The following PCDHA1 variants were observed in gnomAD, a reference collection of about 807,000 sequenced individuals.
PCDHA1 encodes protocadherin alpha-1.
In PCDHA1, 42 loss-of-function variants were observed where a neutral mutation model predicts 61.3. That is an observed-to-expected ratio of 0.69 (90% CI 0.54 to 0.89). The LOEUF (loss-of-function observed/expected upper bound fraction) is 0.89. Among genes scored for constraint, PCDHA1 ranks in the 40% least tolerant of loss-of-function variants. The probability of loss-of-function intolerance (pLI) is 0.00; values close to 1 mark genes in which losing one functional copy is unlikely to be tolerated. For synonymous variants in PCDHA1, 610 were observed against 553.8 expected, an observed-to-expected ratio of 1.10 and a Z score of -1.43; for missense variants, 1,256 against 1,235.3, an observed-to-expected ratio of 1.02 and a Z score of -0.25.
intron 1 of PCDHA1, chr5:140,849,838 T>A: frequency 6.3e-7 from 1 of 1,598,422 alleles, no homozygotes; most frequent in Non-Finnish European, 8.6e-7. Flanking sequence ...GTGGCCGACG[T>A]GAACGACAAC....
intron 1 of PCDHA1, chr5:140,884,384 G>C: frequency 6.2e-7 from 1 of 1,613,972 alleles, no homozygotes; most frequent in Non-Finnish European, 8.5e-7. Context: ...TGCCATCTGC[G>C]CGGTGTCCAG....
chr5:140,894,956 A>T (rs2064745767), intron 1 of PCDHA1, among the ~76,000 whole-genome samples: 1 of 152,208 alleles, frequency 6.6e-6, no homozygotes, highest in South Asian at 2.1e-4. Context: ...AATGATAAAA[A>T]TATAATTTTT....
chr5:140,855,039 TG>T lies in PCDHA1; in HGVS notation c.2394+66356del, dbSNP rs1451069015. ...AAACTTCTTGTATAAAGGATTTTTC[TG>T]TAATAGTACTTTTCTGTTTTCTTAA... On this transcript the variant is annotated intron_variant, in intron 1 of 3. Transcript: ENST00000504120. Among the ~76,000 whole-genome samples, 12 of 150,016 alleles carry T rather than the reference TG, an allele frequency of 8.0e-5. 1 individual carries two copies. Among genetic ancestry groups the T allele is most frequent in the African/African-American group, 2.9e-4 (12 of 40,938 alleles).
At position 140,870,592 on chromosome 5, in the gene PCDHA1, C is replaced by T. The variant is rs202164332; in HGVS notation, c.2394+81908C>T. The T allele has an allele frequency of 8.8e-4, 1,421 of 1,613,554 alleles. 8 individuals carry two copies. The African/African-American group carries it at 0.017, about 19-fold the overall frequency. On this transcript the variant is annotated intron_variant, in intron 1 of 3. Coordinates refer to ENST00000504120, the MANE Select transcript of PCDHA1 (RefSeq NM_018900.4). ...GGTGTCCTACTCGCTGGTGGAGCGGCGGTTGGGCGACCGCGCGCTGTCGAG... is the reference window on the plus strand; with the variant it reads ...GGTGTCCTACTCGCTGGTGGAGCGGTGGTTGGGCGACCGCGCGCTGTCGAG...
chr5:140,806,116 T>A (rs1554123539), intron 1 of PCDHA1, among the ~76,000 whole-genome samples: 1 of 152,196 alleles, frequency 6.6e-6, no homozygotes, highest in Non-Finnish European at 1.5e-5. Flanking sequence ...GGTTTGATCA[T>A]GACATTCTTC....
chr5:140,912,497 T>A (rs2075943539), intron 1 of PCDHA1, among the ~76,000 whole-genome samples: 1 of 152,174 alleles, frequency 6.6e-6, no homozygotes. Context: ...ATCTAGGAGC[T>A]TTTTGGATGA....
intron 1 of PCDHA1, among the ~76,000 whole-genome samples, chr5:140,900,657 C>T (rs116775770): frequency 0.011 from 1,723 of 152,294 alleles, 23 homozygotes; most frequent in African/African-American, 0.039. Context: ...CTGCAATGAA[C>T]AATGGGAGTG....
chr5:140,841,580 A>T (rs1777346702), intron 1 of PCDHA1: 1 of 1,613,870 alleles, frequency 6.2e-7, no homozygotes, highest in South Asian at 1.1e-5. Context: ...TTTGTTTGTG[A>T]ATTCTCGGAT....
At chr5:140,876,394 C>T in intron 1 of PCDHA1, 1 of 1,613,826 alleles carries the variant, frequency 6.2e-7, no homozygotes, top group Non-Finnish European at 8.5e-7. Flanking sequence ...TTATGGTGAA[C>T]TGGATTTTGA....
intron 1 of PCDHA1, chr5:140,823,209 A>G (rs201089803): frequency 1.5e-5 from 25 of 1,613,654 alleles, no homozygotes; most frequent in South Asian, 2.2e-5. Context: ...CGGTGTCTGC[A>G]CGGGACGCGG....
chr5:140,786,793 T>C lies in PCDHA1; in HGVS notation c.503T>C (p.Leu168Pro), dbSNP rs782067110. 1 of 1,614,250 alleles carries C rather than the reference T, an allele frequency of 6.2e-7. No individual in the cohort carries two copies. The highest frequency in any genetic ancestry group is 1.1e-5 in the South Asian group (1 of 91,090). ...GCAGACATTGGTGCTAACGCTCTTC[T>C]AACGTACACGCTCAGCCCGAGTGAT... ...ADADIGANAL[L>P]TYTLSPSDYF... Residue 168 changes from leucine to proline, a missense_variant, in exon 1 of 4, where the codon CTA becomes CCA. Physicochemically the swap from Leu to Pro is moderately conservative, Grantham distance 98. Transcript: ENST00000504120.
chr5:140,797,253 C>G (rs1554120364), intron 1 of PCDHA1: 1 of 1,613,860 alleles, frequency 6.2e-7, no homozygotes, highest in Admixed American at 1.7e-5. Flanking sequence ...CTGGGGAGGA[C>G]CCCCCCAAGA....
At chr5:140,869,526 G>C (rs1363521095) in intron 1 of PCDHA1, 1 of 1,614,194 alleles carries the variant, frequency 6.2e-7, no homozygotes, top group Non-Finnish European at 8.5e-7. Context: ...AAAAGCTGCT[G>C]ATTGCGGAAT....
intron 3 of PCDHA1, among the ~76,000 whole-genome samples, chr5:141,006,194 A>G (rs1455369245): frequency 1.3e-5 from 2 of 149,246 alleles, no homozygotes; most frequent in African/African-American, 2.5e-5. Context: ...TGCTATATGT[A>G]TGTTATGCCT....
intron 1 of PCDHA1, chr5:140,853,906 C>G: frequency 1.0e-6 from 1 of 955,174 alleles, no homozygotes; most frequent in Non-Finnish European, 1.3e-6. Flanking sequence ...GGTGGCCTGA[C>G]ACCTGCAATC....
chr5:140,807,918 G>A, intron 1 of PCDHA1: 1 of 1,614,094 alleles, frequency 6.2e-7, no homozygotes, highest in Non-Finnish European at 8.5e-7. Flanking sequence ...GCTTTTGACA[G>A]AACCATTTAT....
At chr5:140,796,756 G>A (rs782228183) in intron 1 of PCDHA1, 3 of 1,614,034 alleles carry the variant, frequency 1.9e-6, no homozygotes, top group Non-Finnish European at 2.5e-6. Context: ...GCGCGCAGTG[G>A]ACGCTGACTC....
At chr5:140,990,628 G>A (rs1380038956) in intron 3 of PCDHA1, among the ~76,000 whole-genome samples, 1 of 152,154 alleles carries the variant, frequency 6.6e-6, no homozygotes, top group African/African-American at 2.4e-5. Flanking sequence ...TCTGTGGTAA[G>A]ACTAGAAGCC....
At chr5:140,901,761 A>G (rs1276192436) in intron 1 of PCDHA1, among the ~76,000 whole-genome samples, 1 of 152,124 alleles carries the variant, frequency 6.6e-6, no homozygotes, top group African/African-American at 2.4e-5. Flanking sequence ...TTTGACAGGG[A>G]TTGCATTGAA....
Sources: allele counts gnomAD v4.1 joint callset (sites outside exome capture counted in the v4.1 genomes callset), GRCh38; gene constraint gnomAD v4.1.1; transcripts MANE v1.5; gene names NCBI Gene and HGNC (gene_info 2026-07-23, HGNC 2026-07-21).